The following ACADM variants were observed in gnomAD, a reference collection of about 807,000 sequenced individuals.
ACADM encodes the protein medium-chain specific acyl-CoA dehydrogenase, mitochondrial.
ACADM carries 49 observed loss-of-function variants against 58.9 expected under a neutral mutation model. That is an observed-to-expected ratio of 0.83 (90% CI 0.66 to 1.06). The LOEUF (loss-of-function observed/expected upper bound fraction) is 1.06. Among genes scored for constraint, ACADM ranks in the 50% least tolerant of loss-of-function variants. The pLI is 0.00. For missense variants in ACADM, 496 were observed against 507.0 expected, an observed-to-expected ratio of 0.98 and a Z score of 0.21; for synonymous variants, 160 against 157.7, an observed-to-expected ratio of 1.01 and a Z score of -0.11.
chr1:75,726,823 G>A (rs1890452), intron 1 of ACADM, among the ~76,000 whole-genome samples: 41,617 of 89,360 alleles, frequency 0.47, 6,527 homozygotes, highest in Admixed American at 0.5. Context: ...TTTTTTTTTT[G>A]AGACGGAGTC....
Position 75,763,234 on chromosome 1 carries a change from CT to C in ACADM, c.*474del, listed in dbSNP as rs1259935177. On this transcript the variant is annotated 3_prime_UTR_variant, in exon 12 of 12. Transcript: ENST00000370841. ...TGCAGTTTGGAAAGCATTTGTGAAA[CT>C]TTCTGTTTGGCACAGAAACAGTCAA... 1 of 152,328 alleles carries C rather than the reference CT, an allele frequency of 6.6e-6. No homozygotes were observed. Among genetic ancestry groups the C allele is most frequent in the African/African-American group, 2.4e-5 (1 of 41,442 alleles). 9.4% of individuals were successfully genotyped at this position (152,328 alleles called of 1,614,324 possible).
In ACADM at chr1:75,737,841, A is replaced by G. The variant is rs183559063; in HGVS notation, c.469-2139A>G. 1.1e-3 allele frequency among the ~76,000 whole-genome samples: 166 copies of G among 152,300 alleles called. 1 individual carries two copies. The highest frequency in any genetic ancestry group is 3.9e-3 in the African/African-American group (161 of 41,560). ...CAGTTCATACTGTAATAGGTGTTCAATAAATGTTAGAGTGATTTCACTGTA... is the reference window on the plus strand; with the variant it reads ...CAGTTCATACTGTAATAGGTGTTCAGTAAATGTTAGAGTGATTTCACTGTA... On this transcript the variant is annotated intron_variant, in intron 6 of 11. Coordinates refer to ENST00000370841, the MANE Select transcript of ACADM (RefSeq NM_000016.6).
intron 10 of ACADM, among the ~76,000 whole-genome samples, chr1:75,751,302 T>G (rs1648189247): frequency 6.6e-6 from 1 of 151,134 alleles, no homozygotes; most frequent in Admixed American, 6.6e-5. Flanking sequence ...ATCACGCCAC[T>G]GCACTCCAGC....
chr1:75,741,129 T>C (rs1647543885), intron 7 of ACADM, among the ~76,000 whole-genome samples: 1 of 152,152 alleles, frequency 6.6e-6, no homozygotes, highest in Admixed American at 6.5e-5. Flanking sequence ...ATATAGAGAG[T>C]TTCTAGAATA....
chr1:75,733,049 A>C (rs748467366), intron 4 of ACADM, 127 bp downstream of exon 4: 3 of 1,613,312 alleles, frequency 1.9e-6, no homozygotes, highest in East Asian at 4.5e-5. Context: ...CTTCCTGCTC[A>C]GACTACAGTG....
In ACADM at chr1:75,763,117, A is replaced by G. The variant is rs1484748578; in HGVS notation, c.*354A>G. 6.0e-6 allele frequency: 1 copy of G among 166,118 alleles called. No individual in the cohort carries two copies. The highest frequency in any genetic ancestry group is 1.7e-4 in the East Asian group (1 of 6,050). 10.3% of individuals were successfully genotyped at this position (166,118 alleles called of 1,614,324 possible). A position where few individuals can be genotyped will look rare whatever the true frequency, so the allele number is the denominator to read the frequency against. On this transcript the variant is annotated 3_prime_UTR_variant, in exon 12 of 12. Transcript: ENST00000370841. Reference sequence around the variant, plus strand: ...CTTAGAAAGTATTCAAGATGTTACAAAATTTACATTTAGAAAATATTGTAG... The same window carrying G: ...CTTAGAAAGTATTCAAGATGTTACAGAATTTACATTTAGAAAATATTGTAG...
chr1:75,724,844 G>A lies in ACADM; in HGVS notation c.30+27G>A, dbSNP rs1470211976. On this transcript the variant is annotated intron_variant, in intron 1 of 11. Transcript: ENST00000370841. ...TGAGAGGGAGCCCAGCGGTGCGGTG[G>A]GGCTGGAACATGGGTATTGTGGTGT... 31 of 1,461,350 alleles carry A rather than the reference G, an allele frequency of 2.1e-5. No individual in the cohort carries two copies. The Admixed American group carries it at 3.1e-4, about 15-fold the overall frequency. The allele number at this position is 1,461,350 out of a possible 1,614,324, so 90.5% of individuals were successfully genotyped here. A position where few individuals can be genotyped will look rare whatever the true frequency, so the allele number is the denominator to read the frequency against.
intron 10 of ACADM, among the ~76,000 whole-genome samples, chr1:75,759,753 C>T (rs1156788257): frequency 6.6e-6 from 1 of 151,248 alleles, no homozygotes; most frequent in African/African-American, 2.4e-5. Flanking sequence ...CCTCCACCTC[C>T]CAGGTTTAAG....
At chr1:75,746,024 AAAT>A (rs1647882746) in intron 8 of ACADM, 110 bp downstream of exon 8, 1 of 787,618 alleles carries the variant, frequency 1.3e-6, no homozygotes, top group African/African-American at 1.7e-5. Flanking sequence ...GTTGGAGTAA[AAAT>A]AAAGCTATGT....
chr1:75,750,705 G>A (rs1648151714), intron 10 of ACADM, 159 bp downstream of exon 10: 1 of 689,472 alleles, frequency 1.5e-6, no homozygotes, highest in African/African-American at 1.8e-5. Context: ...TTTCTTTTTA[G>A]AGTGTGCCAC....
chr1:75,729,592 C>G (rs1647115468), intron 2 of ACADM, among the ~76,000 whole-genome samples: 1 of 151,616 alleles, frequency 6.6e-6, no homozygotes, highest in South Asian at 2.1e-4. Context: ...CTCCCAGGAT[C>G]AAGCGATTCT....
intron 1 of ACADM, among the ~76,000 whole-genome samples, chr1:75,725,314 A>G (rs1647035088): frequency 6.6e-6 from 1 of 152,158 alleles, no homozygotes; most frequent in African/African-American, 2.4e-5. Flanking sequence ...TTGGATCTTA[A>G]TAGATTCTAA....
chr1:75,746,858 T>C (rs1367234239), intron 8 of ACADM, among the ~76,000 whole-genome samples: 7 of 152,002 alleles, frequency 4.6e-5, no homozygotes, highest in African/African-American at 1.7e-4. Context: ...CTTGGCCCCC[T>C]AAAGTGCTGG....
At chr1:75,725,958 T>A (rs1647048628) in intron 1 of ACADM, among the ~76,000 whole-genome samples, 1 of 152,264 alleles carries the variant, frequency 6.6e-6, no homozygotes, top group Non-Finnish European at 1.5e-5. Flanking sequence ...TTCTGTTTTC[T>A]ATTTGCAAAC....
chr1:75,754,065 G>C (rs1648360916), intron 10 of ACADM, among the ~76,000 whole-genome samples: 2 of 150,802 alleles, frequency 1.3e-5, no homozygotes, highest in Admixed American at 6.6e-5. Context: ...CAAAGTGCTG[G>C]GATTACAGGC....
At chr1:75,725,087 C>G (rs1647028743) in intron 1 of ACADM, among the ~76,000 whole-genome samples, 1 of 152,054 alleles carries the variant, frequency 6.6e-6, no homozygotes, top group South Asian at 2.1e-4. Flanking sequence ...CTCTGGTAAA[C>G]CCTCCAAATA....
At position 75,744,047 on chromosome 1, in the gene ACADM, G is replaced by A. The variant is rs1647741888; in HGVS notation, c.600-1759G>A. The stretch of plus-strand genomic sequence containing the variant: ...TTAAAAATTGTCAGCATTGGCACAT[G>A]TATTCTGGGCCTCCTTCAGACGCTG... On this transcript the variant is annotated intron_variant, in intron 7 of 11. Transcript: ENST00000370841. 4.4e-6 allele frequency: 7 copies of A among 1,585,130 alleles called. No individual in the cohort carries two copies. The East Asian group carries it at 1.1e-4, about 25-fold the overall frequency.
Position 75,744,087 on chromosome 1 carries a change from G to A in ACADM, c.600-1719G>A, listed in dbSNP as rs148085293. 328 of 1,588,242 alleles carry A rather than the reference G, an allele frequency of 2.1e-4. 1 individual carries two copies. The African/African-American group carries it at 3.9e-3, about 19-fold the overall frequency. ...TTCAGACGCTGAGCAATGCACTGCC[G>A]CATCCTGTTCATTTTCTCCTGATGT... On this transcript the variant is annotated intron_variant, in intron 7 of 11. Transcript: ENST00000370841.
Position 75,724,828 on chromosome 1 carries a change from G to A in ACADM, c.30+11G>A, listed in dbSNP as rs375492495. ...GGGCGATGCTGCAGGGTGAGAGGGA[G>A]CCCAGCGGTGCGGTGGGGCTGGAAC... On this transcript the variant is annotated intron_variant, in intron 1 of 11. Coordinates refer to ENST00000370841, the MANE Select transcript of ACADM (RefSeq NM_000016.6). 4 of 1,480,312 alleles carry A rather than the reference G, an allele frequency of 2.7e-6. No individual in the cohort carries two copies. Among genetic ancestry groups the A allele is most frequent in the African/African-American group, 2.9e-5 (2 of 68,750 alleles). The allele number at this position is 1,480,312 out of a possible 1,614,324, so 91.7% of individuals were successfully genotyped here.
Sources: gnomAD v4.1 joint callset for allele counts (sites outside exome capture counted in the v4.1 genomes callset) on GRCh38, gnomAD v4.1.1 for gene constraint, MANE v1.5 for transcripts, NCBI Gene and HGNC (gene_info 2026-07-23, HGNC 2026-07-21) for gene names.